UGT1A6: variants seen among roughly 807,000 people sequenced by gnomAD.
UGT1A6 encodes UDP glucuronosyltransferase family 1 member A6, also known as UDP-glucuronosyltransferase 1A6.
Under a neutral mutation model 44.4 loss-of-function variants are expected in UGT1A6, and 32 were observed. The observed-to-expected ratio is 0.72, with a 90% CI of 0.54 to 0.97. The LOEUF (loss-of-function observed/expected upper bound fraction) is 0.97. Ranked by LOEUF, UGT1A6 falls within the 50% of genes least tolerant of loss-of-function variation. The pLI, the probability that UGT1A6 is intolerant of heterozygous loss-of-function variation, is 0.00. For missense variants in UGT1A6, 685 were observed against 661.9 expected, an observed-to-expected ratio of 1.03 and a Z score of -0.38; for synonymous variants, 238 against 248.5, an observed-to-expected ratio of 0.96 and a Z score of 0.40.
At chr2:233,692,578 G>C (rs12476197), upstream of UGT1A6, among the ~76,000 whole-genome samples, 27,719 of 152,194 alleles carry the variant, frequency 0.18, 2,750 homozygotes, top group Non-Finnish European at 0.23. Context: ...GCTGGTGTTA[G>C]AGAATAGGTC....
chr2:233,741,352 A>G (rs1236663413), intron 1 of UGT1A6, among the ~76,000 whole-genome samples: 1 of 151,742 alleles, frequency 6.6e-6, no homozygotes, highest in African/African-American at 2.4e-5. Context: ...TCCAACACAC[A>G]AAACCACAAT....
chr2:233,721,383 C>T (rs2076941524), intron 1 of UGT1A6: 1 of 152,770 alleles, frequency 6.5e-6, no homozygotes, highest in South Asian at 2.1e-4. Context: ...TCTTCACTCT[C>T]ATTTTTCTAG....
chr2:233,757,503 A>G (rs1469765233), intron 1 of UGT1A6, among the ~76,000 whole-genome samples: 5 of 137,398 alleles, frequency 3.6e-5, no homozygotes, highest in African/African-American at 1.1e-4. Context: ...GAGTGATAGC[A>G]TGATTCCAAA....
chr2:233,729,273 G>A (rs759495463), intron 1 of UGT1A6: 2 of 1,614,242 alleles, frequency 1.2e-6, no homozygotes, highest in Non-Finnish European at 1.7e-6. Context: ...AGGTCTTGCG[G>A]GAGCTCCATG....
At chr2:233,733,150 A>G (rs1001837266) in intron 1 of UGT1A6, among the ~76,000 whole-genome samples, 7 of 152,190 alleles carry the variant, frequency 4.6e-5, no homozygotes, top group Non-Finnish European at 7.3e-5. Flanking sequence ...ATTTTTGCAC[A>G]TTGATTTTGT....
chr2:233,749,921 T>C (rs1694306476), intron 1 of UGT1A6, among the ~76,000 whole-genome samples: 1 of 151,948 alleles, frequency 6.6e-6, no homozygotes. Flanking sequence ...TGTGAGTCAA[T>C]TAAAGCTCTT....
chr2:233,767,252 T>C (rs959458816), intron 2 of UGT1A6, 87 bp downstream of exon 2: 5 of 1,599,856 alleles, frequency 3.1e-6, no homozygotes, highest in East Asian at 2.2e-5. Context: ...ATTCTCTTAA[T>C]TGGAACCTTA....
intron 1 of UGT1A6, among the ~76,000 whole-genome samples, chr2:233,696,893 A>C (rs1347117727): frequency 6.6e-6 from 1 of 152,190 alleles, no homozygotes; most frequent in African/African-American, 2.4e-5. Context: ...GTTCTGTCCT[A>C]AATTCTGTCA....
chr2:233,734,123 A>ATAAT (rs1384319848), intron 1 of UGT1A6, among the ~76,000 whole-genome samples: 1 of 151,918 alleles, frequency 6.6e-6, no homozygotes, highest in Non-Finnish European at 1.5e-5. Context: ...AATAATAATA[A>ATAAT]AAAGAATTTG....
intron 1 of UGT1A6, chr2:233,747,617 G>A (rs1693730880): frequency 1.3e-5 from 20 of 1,575,570 alleles, no homozygotes; most frequent in Non-Finnish European, 1.7e-5. Context: ...TGCATAATGA[G>A]GCCCTGATCA....
At chr2:233,711,700 C>G (rs1349335285) in intron 1 of UGT1A6, among the ~76,000 whole-genome samples, 7 of 152,188 alleles carry the variant, frequency 4.6e-5, no homozygotes, top group African/African-American at 1.2e-4. Flanking sequence ...GTAACTTCCT[C>G]CCTAAGGGAA....
Position 233,767,934 on chromosome 2 carries a change from T to C in UGT1A6, c.1079T>C (p.Leu360Pro). 6.2e-7 allele frequency: 1 copy of C among 1,614,184 alleles called. No homozygotes were observed. Among genetic ancestry groups the C allele is most frequent in the Non-Finnish European group, 8.5e-7 (1 of 1,180,038 alleles). The stretch of plus-strand genomic sequence containing the variant: ...AAGTGGCTACCCCAAAACGATCTGC[T>C]TGGTATGTTGGGCGGATTGGATGTA... ...LVKWLPQNDL[L>P]GHPMTRAFIT... The change falls in exon 3 of 5, where the codon CTT becomes CCT. Residue 360 changes from leucine to proline, a missense_variant and splice_region_variant. Leu to Pro is a moderately conservative substitution (Grantham distance 98). Transcript: ENST00000305139.
intron 4 of UGT1A6, chr2:233,770,807 T>C (rs1273805727): frequency 2.6e-5 from 4 of 152,116 alleles, no homozygotes; most frequent in East Asian, 1.9e-4. Context: ...TTAAAGACAG[T>C]GTATTAGGCT....
At chr2:233,740,203 T>G (rs1381111431) in intron 1 of UGT1A6, among the ~76,000 whole-genome samples, 1 of 151,870 alleles carries the variant, frequency 6.6e-6, no homozygotes, top group Non-Finnish European at 1.5e-5. Context: ...TTTTATAAAT[T>G]ACCCAGTCTC....
chr2:233,704,354 C>A (rs11683974), intron 1 of UGT1A6, among the ~76,000 whole-genome samples: 1 of 147,722 alleles, frequency 6.8e-6, no homozygotes, highest in Admixed American at 6.8e-5. Context: ...GTGTTCTGAG[C>A]GGTTGTTCTA....
rs199947040 is a variant in UGT1A6 at position 233,743,509 on chromosome 2, G to A, written c.862-23525G>A. On this transcript the variant is annotated intron_variant, in intron 1 of 4. Transcript: ENST00000305139. ...GAAGGCAGAGAAAAGGGGTGCAGAC[G>A]CTCTGCTTCTGCTTCCCCAGCAGTT... 3.6e-5 allele frequency: 49 copies of A among 1,367,172 alleles called. 1 individual carries two copies. The South Asian group carries it at 4.7e-4, about 13-fold the overall frequency. The allele number at this position is 1,367,172 out of a possible 1,614,324, so 84.7% of individuals were successfully genotyped here.
intron 1 of UGT1A6, among the ~76,000 whole-genome samples, chr2:233,706,634 CTG>C (rs969226028): frequency 6.6e-6 from 1 of 152,204 alleles, no homozygotes; most frequent in African/African-American, 2.4e-5. Flanking sequence ...AGTGTTTCTA[CTG>C]TGTCTGTGCC....
intron 1 of UGT1A6, chr2:233,729,974 A>G (rs779334131): frequency 1.9e-6 from 3 of 1,614,082 alleles, no homozygotes; most frequent in Non-Finnish European, 2.5e-6. Flanking sequence ...AACTGTGCCA[A>G]CAGGAAGCCA....
rs780354743 is a variant in UGT1A6 at position 233,767,874 on chromosome 2, G to A, written c.1019G>A (p.Arg340Gln). Residue 340 changes from arginine to glutamine, a missense_variant, in exon 3 of 5, where the codon CGA becomes CAA. Coordinates refer to ENST00000305139, the MANE Select transcript of UGT1A6 (RefSeq NM_001072.4). ...QTVLWRYTGT[R>Q]PSNLANNTIL... ...GTCCTGTGGCGGTACACTGGAACCC[G>A]ACCATCGAATCTTGCGAACAACACG... 28 of 1,613,980 alleles carry A rather than the reference G, an allele frequency of 1.7e-5. No individual in the cohort carries two copies. Among genetic ancestry groups the A allele is most frequent in the Admixed American group, 1.0e-4 (6 of 59,998 alleles).
Sources: gnomAD v4.1 joint callset for allele counts (sites outside exome capture counted in the v4.1 genomes callset) on GRCh38, gnomAD v4.1.1 for gene constraint, MANE v1.5 for transcripts, NCBI Gene and HGNC (gene_info 2026-07-23, HGNC 2026-07-21) for gene names.